The following PRAG1 variants were observed in gnomAD, a reference collection of about 807,000 sequenced individuals.
The protein encoded by PRAG1 is inactive tyrosine-protein kinase PRAG1.
A neutral mutation model predicts 95.6 loss-of-function variants in PRAG1; 110 were observed. The ratio of observed to expected loss-of-function variants is 1.15; its 90% CI spans 0.99 to 1.35. PRAG1 has a LOEUF of 1.35. Among genes scored for constraint, PRAG1 ranks in the 40% most tolerant of loss-of-function variants. The pLI is 0.00. For missense variants in PRAG1, 2,554 were observed against 1,864.7 expected, an observed-to-expected ratio of 1.37 and a Z score of -6.81; for synonymous variants, 1,052 against 819.4, an observed-to-expected ratio of 1.28 and a Z score of -4.85.
chr8:8,333,812 C>G (rs571999996), intron 4 of PRAG1, among the ~76,000 whole-genome samples: 1 of 152,338 alleles, frequency 6.6e-6, no homozygotes, highest in East Asian at 1.9e-4. Context: ...TGACCATTCT[C>G]CAACTTTGAG....
chr8:8,331,899 G>A (rs1056800544), intron 4 of PRAG1, among the ~76,000 whole-genome samples: 7 of 152,310 alleles, frequency 4.6e-5, no homozygotes, highest in Admixed American at 2.0e-4. Context: ...TAGCAGAGAA[G>A]CTTAACTTCA....
In PRAG1 at chr8:8,328,045, T is replaced by C. The variant is rs1403148898; in HGVS notation, c.2737A>G (p.Lys913Glu). ...GAGGATGAGGCGGAGGGGGCCCCTT[T>C]GCACTGGAGGCCAGGGCTCCCGCAG... is the stretch of plus-strand genomic sequence containing the variant. ...GGCGSPGLQCKGAPSASSSQL... is the reference protein window; with the variant it reads ...GGCGSPGLQCEGAPSASSSQL... Residue 913 changes from lysine to glutamate, a missense_variant, in exon 5 of 6, where the codon AAA becomes GAA. Physicochemically the swap from Lys to Glu is moderately conservative, Grantham distance 56. Transcript: ENST00000615670. The C allele has an allele frequency of 6.3e-7, 1 of 1,589,340 alleles. No individual in the cohort carries two copies. Among genetic ancestry groups the C allele is most frequent in the Non-Finnish European group, 8.6e-7 (1 of 1,167,246 alleles).
chr8:8,323,321 CT>C (rs36045122), intron 5 of PRAG1, among the ~76,000 whole-genome samples: 4,119 of 137,926 alleles, frequency 0.03, 176 homozygotes, highest in African/African-American at 0.1. Context: ...TTTTCCCTCC[CT>C]TTTTTTTTTT....
rs1025663318 is a variant in PRAG1, at chr8:8,338,307, T to A, written c.2320+1171A>T. On this transcript the variant is annotated intron_variant, in intron 4 of 5. Transcript: ENST00000615670. ...TCTGGGAAACAAAGTGGTGAAGCCATGAAGTCCAGTTCGCCTGACACCCGC... is the reference window on the plus strand; with the variant it reads ...TCTGGGAAACAAAGTGGTGAAGCCAAGAAGTCCAGTTCGCCTGACACCCGC... Among the ~76,000 whole-genome samples, 6 of 152,178 alleles carry A rather than the reference T, an allele frequency of 3.9e-5. No homozygotes were observed. The East Asian group carries it at 1.2e-3, about 29-fold the overall frequency.
At chr8:8,333,101 C>A (rs945429608) in intron 4 of PRAG1, among the ~76,000 whole-genome samples, 3 of 152,210 alleles carry the variant, frequency 2.0e-5, no homozygotes, top group African/African-American at 7.2e-5. Context: ...CAGACACATC[C>A]TGGTTTGATG....
intron 3 of PRAG1, among the ~76,000 whole-genome samples, chr8:8,373,454 AT>A (rs796490286): frequency 0.027 from 3,669 of 137,976 alleles, 232 homozygotes; most frequent in African/African-American, 0.09. Context: ...TATTTTCTAG[AT>A]TTTTTTTTTT....
intron 3 of PRAG1, among the ~76,000 whole-genome samples, chr8:8,367,148 A>C (rs1400798967): frequency 6.6e-6 from 1 of 152,150 alleles, no homozygotes; most frequent in Non-Finnish European, 1.5e-5. Flanking sequence ...TGGAGGATGC[A>C]ACCCAAGTGT....
intron 1 of PRAG1, among the ~76,000 whole-genome samples, chr8:8,384,248 G>T (rs985771906): frequency 1.3e-5 from 2 of 152,080 alleles, no homozygotes; most frequent in African/African-American, 2.4e-5. Flanking sequence ...TTTGCGGAAG[G>T]GGTGACATTG....
chr8:8,372,293 T>C (rs112284045), intron 3 of PRAG1, among the ~76,000 whole-genome samples: 3,309 of 152,322 alleles, frequency 0.022, 125 homozygotes, highest in African/African-American at 0.074. Context: ...GTGCTGGGAT[T>C]ATAGGTGTCA....
chr8:8,361,368 T>C (rs1799842589), intron 3 of PRAG1, among the ~76,000 whole-genome samples: 1 of 152,040 alleles, frequency 6.6e-6, no homozygotes, highest in Non-Finnish European at 1.5e-5. Flanking sequence ...GGAAATAACA[T>C]GGAAGGGCCT....
rs145127657 is a variant in PRAG1, at chr8:8,331,870, G to C, written c.2321-3409C>G. Among the ~76,000 whole-genome samples, 137 of 152,332 alleles carry C rather than the reference G, an allele frequency of 9.0e-4. 2 individuals carry two copies. In the Middle Eastern group the frequency reaches 0.024, roughly 26 times the overall value. ...ACCGTATCACTACTTGGGTAAATCT[G>C]ACAAGGGGTACTAGGTATTAGCAGA... On this transcript the variant is annotated intron_variant, in intron 4 of 5. Transcript: ENST00000615670.
chr8:8,327,253 G>A (rs115582681), intron 5 of PRAG1, among the ~76,000 whole-genome samples: 1,771 of 152,282 alleles, frequency 0.012, 36 homozygotes, highest in African/African-American at 0.04. Context: ...AGAGAGTGAA[G>A]CTGCTGAGCA....
intron 5 of PRAG1, among the ~76,000 whole-genome samples, chr8:8,320,430 C>T (rs1387054671): frequency 2.0e-5 from 3 of 152,144 alleles, no homozygotes; most frequent in Non-Finnish European, 4.4e-5. Flanking sequence ...AATGGCAGTG[C>T]CAGCCACCTG....
intron 5 of PRAG1, 23 bp from the exon 6 acceptor site, chr8:8,319,325 A>T (rs544435645): frequency 1.3e-6 from 2 of 1,486,818 alleles, no homozygotes; most frequent in African/African-American, 2.8e-5. Context: ...GAAGAAGTGA[A>T]ATCAAGAGTG....
Position 8,318,186 on chromosome 8 carries a change from A to G in PRAG1, c.4189T>C (p.Leu1397=). The change falls in exon 6 of 6, where the codon TTA becomes CTA. Residue 1397 remains leucine, a synonymous_variant. Coordinates refer to ENST00000615670, the MANE Select transcript of PRAG1 (RefSeq NM_001080826.3). This position sits in a 1 kb window ranked among gnomAD's most constrained non-coding sequence, Gnocchi z 4.2. ...AGCTGCAGGAGCTTCAGCGACTGTA[A>G]GAGGGCCCCGGGCTCCGCAGACGCC... ...YLASAEPGAL[L]QSLKLLQLL 1 of 1,613,892 alleles carries G rather than the reference A, an allele frequency of 6.2e-7. No homozygotes were observed. Among genetic ancestry groups the G allele is most frequent in the Non-Finnish European group, 8.5e-7 (1 of 1,179,944 alleles).
At chr8:8,341,853 C>T (rs1387188474) in intron 3 of PRAG1, among the ~76,000 whole-genome samples, 4 of 152,180 alleles carry the variant, frequency 2.6e-5, no homozygotes, top group Non-Finnish European at 5.9e-5. Flanking sequence ...AAAATGACGG[C>T]CGGATACGGT....
chr8:8,382,010 G>A (rs1327621124), intron 1 of PRAG1, among the ~76,000 whole-genome samples, 176 bp from the exon 2 acceptor site: 1 of 152,186 alleles, frequency 6.6e-6, no homozygotes, highest in Non-Finnish European at 1.5e-5. Flanking sequence ...ACATTCTCTG[G>A]TGGTGTGGCC....
intron 3 of PRAG1, among the ~76,000 whole-genome samples, chr8:8,340,506 T>G (rs1440363174): frequency 6.6e-5 from 10 of 152,256 alleles, no homozygotes; most frequent in Non-Finnish European, 1.3e-4. Flanking sequence ...AACCCACATT[T>G]GTCTGAACTG....
chr8:8,318,047 A>G lies in PRAG1; in HGVS notation c.*107T>C. 1.1e-6 allele frequency: 1 copy of G among 951,132 alleles called. No individual in the cohort carries two copies. 58.9% of individuals were successfully genotyped at this position (951,132 alleles called of 1,614,324 possible). Reference sequence around the variant, plus strand: ...ATATTTATATATTTTACATCCAGGTATCCCAGTCATCTGTACCATTTCCCA... The same window carrying G: ...ATATTTATATATTTTACATCCAGGTGTCCCAGTCATCTGTACCATTTCCCA... On this transcript the variant is annotated 3_prime_UTR_variant, in exon 6 of 6. Transcript: ENST00000615670. The surrounding 1 kb of genome is among the most constrained non-coding windows in gnomAD (Gnocchi z 4.2).
Sources: allele counts gnomAD v4.1 joint callset (sites outside exome capture counted in the v4.1 genomes callset), GRCh38; gene constraint gnomAD v4.1.1; non-coding constraint Gnocchi (gnomAD v3.1); transcripts MANE v1.5; gene names NCBI Gene and HGNC (gene_info 2026-07-23, HGNC 2026-07-21).